FGF13: variants seen among roughly 807,000 people sequenced by gnomAD.
FGF13 encodes fibroblast growth factor 13.
A neutral mutation model predicts 19.5 loss-of-function variants in FGF13; 2 were observed. The ratio of observed to expected loss-of-function variants is 0.10; its 90% CI spans 0.04 to 0.32. FGF13 has a LOEUF of 0.32. Among genes scored for constraint, FGF13 ranks in the 10% least tolerant of loss-of-function variants. The probability of loss-of-function intolerance (pLI) is 1.00; values close to 1 mark genes in which losing one functional copy is unlikely to be tolerated. For synonymous variants in FGF13, 72 were observed against 76.9 expected (o/e 0.94, Z 0.33); for missense variants, 113 against 192.7 (o/e 0.59, Z 2.45).
At chrX:138,960,721 T>C (rs1419828493) in intron 1 of FGF13, among the ~76,000 whole-genome samples, 1 of 111,870 alleles carries the variant, frequency 8.9e-6, no homozygotes, top group African/African-American at 3.2e-5. Context: ...TTACTCTTTT[T>C]TCTCTAAACT....
intron 1 of FGF13, among the ~76,000 whole-genome samples, chrX:138,909,640 G>A (rs1384575963): frequency 8.9e-6 from 1 of 112,039 alleles, no homozygotes; most frequent in East Asian, 2.8e-4. Flanking sequence ...GGCACAGTGA[G>A]TGTGGTCAAA....
rs183694860 is a variant in FGF13 at position 138,696,758 on chromosome X, G to A, written c.402+6226C>T. 3.8e-4 allele frequency among the ~76,000 whole-genome samples: 43 copies of A among 112,233 alleles called. No individual in the cohort carries two copies. In the Middle Eastern group the frequency reaches 0.014, roughly 36 times the overall value. On this transcript the variant is annotated intron_variant, in intron 3 of 4. Coordinates refer to ENST00000315930, the MANE Select transcript of FGF13 (RefSeq NM_004114.5). ...CAGTGTCTTTGAGAACAAGGAAAAT[G>A]ACAAAACACTTACTAATTGAATTAT... is the stretch of plus-strand genomic sequence containing the variant.
chrX:138,872,650 CTCT>C (rs1189776348), intron 1 of FGF13, among the ~76,000 whole-genome samples: 1 of 112,005 alleles, frequency 8.9e-6, no homozygotes, highest in Admixed American at 9.5e-5. Context: ...GGGTTCTTCC[CTCT>C]TCTTGATACT....
chrX:139,199,280 C>T (rs1018324898), intron 1 of FGF13, among the ~76,000 whole-genome samples: 2 of 111,071 alleles, frequency 1.8e-5, no homozygotes, highest in African/African-American at 6.7e-5. Context: ...GGATCCCCTT[C>T]ATCTACTCTA....
At chrX:139,189,000 T>C (rs373495842) in intron 1 of FGF13, among the ~76,000 whole-genome samples, 1 of 109,935 alleles carries the variant, frequency 9.1e-6, no homozygotes, top group Non-Finnish European at 1.9e-5. Context: ...TGGAAATAAA[T>C]GGTAAAGGGC....
intron 3 of FGF13, among the ~76,000 whole-genome samples, chrX:138,800,319 T>A (rs1003620191): frequency 3.6e-5 from 4 of 112,035 alleles, no homozygotes; most frequent in African/African-American, 6.5e-5. Flanking sequence ...ATTTTATTTC[T>A]GCTTCGCTTA....
chrX:138,820,757 G>A (rs997073628), intron 3 of FGF13, among the ~76,000 whole-genome samples: 1 of 111,747 alleles, frequency 8.9e-6, no homozygotes. Flanking sequence ...GCTTCTTATA[G>A]TAAATGGCAT....
intron 1 of FGF13, among the ~76,000 whole-genome samples, chrX:139,115,330 CAGAT>C (rs1190403161): frequency 8.9e-6 from 1 of 112,383 alleles, no homozygotes; most frequent in African/African-American, 3.2e-5. Context: ...ATCTGGCTAA[CAGAT>C]AGCATGTCCT....
Position 139,175,502 on chromosome X carries a change from G to A in FGF13, c.-113+27914C>T, listed in dbSNP as rs1018407037. 1.8e-4 allele frequency among the ~76,000 whole-genome samples: 20 copies of A among 112,147 alleles called. No individual in the cohort carries two copies. In the Admixed American group the frequency reaches 1.9e-3, roughly 11 times the overall value. On this transcript the variant is annotated intron_variant, in intron 1 of 2. Coordinates refer to the FGF13 transcript ENST00000421460. ...CCAGTTTTCAAAGGGAATGCTTCCA[G>A]CTTTTGCCCATTCAGTATGATATTG... is the stretch of plus-strand genomic sequence containing the variant.
intron 3 of FGF13, among the ~76,000 whole-genome samples, chrX:138,693,829 T>C (rs2089863596): frequency 8.9e-6 from 1 of 111,776 alleles, no homozygotes; most frequent in African/African-American, 3.2e-5. Flanking sequence ...GCTGCTTGTG[T>C]TTATTTTAGA....
In FGF13 at chrX:138,992,573, A is replaced by AT. The variant is rs891222746; in HGVS notation, c.-112-127924dup. Among the ~76,000 whole-genome samples, 28 of 111,114 alleles carry AT rather than the reference A, an allele frequency of 2.5e-4. No homozygotes were observed. The South Asian group carries it at 5.3e-3, about 21-fold the overall frequency. On this transcript the variant is annotated intron_variant, in intron 1 of 2. Transcript: ENST00000421460. ...TAAATGATGATAATAATAGAGCCCA[A>AT]TCCATATAATAAAATAAATACCTTG...
chrX:138,712,314 C>T (rs1343095741), upstream of FGF13, among the ~76,000 whole-genome samples: 2 of 111,472 alleles, frequency 1.8e-5, no homozygotes, highest in Admixed American at 9.5e-5. Context: ...TTGTAGGGTC[C>T]AAAACCTGTT....
At chrX:138,791,329 T>A (rs1333365443) in intron 3 of FGF13, among the ~76,000 whole-genome samples, 1 of 112,231 alleles carries the variant, frequency 8.9e-6, no homozygotes, top group African/African-American at 3.2e-5. Context: ...CTGATGGCTG[T>A]AGTTAGTCAC....
intron 1 of FGF13, among the ~76,000 whole-genome samples, chrX:139,085,056 A>G (rs942749213): frequency 2.7e-5 from 3 of 111,956 alleles, no homozygotes; most frequent in Admixed American, 9.5e-5. Context: ...AATTAACTAT[A>G]GGCAGGTATC....
chrX:138,766,939 C>T (rs915556795), intron 3 of FGF13, among the ~76,000 whole-genome samples: 2 of 112,167 alleles, frequency 1.8e-5, no homozygotes, highest in South Asian at 3.7e-4. Context: ...TTTCCCATTG[C>T]TTGTCTTTGT....
At chrX:138,853,347 TTAAGG>T (rs1307042763), downstream of FGF13, among the ~76,000 whole-genome samples, 1 of 111,829 alleles carries the variant, frequency 8.9e-6, no homozygotes, top group African/African-American at 3.2e-5. Context: ...TCTCCCATCA[TTAAGG>T]TAAGACTGAT....
At chrX:138,828,296 G>A (rs760363276) in intron 3 of FGF13, among the ~76,000 whole-genome samples, 4 of 85 alleles carry the variant, frequency 0.047, no homozygotes, top group East Asian at 0.33. Context: ...AGGGCCGGGC[G>A]CGGTGGTCAC....
At chrX:138,748,239 T>C (rs1237011162) in intron 3 of FGF13, among the ~76,000 whole-genome samples, 2 of 111,802 alleles carry the variant, frequency 1.8e-5, no homozygotes, top group African/African-American at 3.3e-5. Flanking sequence ...ATGAACTGAA[T>C]TGCATCCCCC....
At position 138,631,409 on chromosome X, in the gene FGF13, T is replaced by C. The variant is rs2089114451; in HGVS notation, c.*1441A>G. 8.9e-6 allele frequency: 1 copy of C among 111,926 alleles called. No homozygotes were observed. The highest frequency in any genetic ancestry group is 9.5e-5 in the Admixed American group (1 of 10,505). The allele number at this position is 111,926 out of a possible 1,213,427, so 9.2% of individuals were successfully genotyped here. On this transcript the variant is annotated 3_prime_UTR_variant, in exon 5 of 5. Coordinates refer to ENST00000315930, the MANE Select transcript of FGF13 (RefSeq NM_004114.5). ...CAATCTGAAGTGCAAGTACAGTAAC[T>C]AGTAAAATAAACACACTTTAAAGTG...
Sources: allele counts gnomAD v4.1 joint callset (sites outside exome capture counted in the v4.1 genomes callset), GRCh38; gene constraint gnomAD v4.1.1; transcripts MANE v1.5; gene names NCBI Gene and HGNC (gene_info 2026-07-23, HGNC 2026-07-21).